The following ROR1 variants were observed in gnomAD, a reference collection of about 807,000 sequenced individuals.
ROR1 encodes inactive tyrosine-protein kinase transmembrane receptor ROR1.
A neutral mutation model predicts 78.8 loss-of-function variants in ROR1; 19 were observed. The ratio of observed to expected loss-of-function variants is 0.24; its 90% CI spans 0.17 to 0.35. The LOEUF is 0.35. ROR1 is among the 10% of genes least tolerant of loss of function. ROR1 has a pLI of 1.00. For missense variants in ROR1, 917 were observed against 1,177.8 expected (o/e 0.78, Z 3.24); for synonymous variants, 386 against 433.6 (o/e 0.89, Z 1.36).
chr1:64,165,705 T>TC (rs1251190974), intron 8 of ROR1, among the ~76,000 whole-genome samples: 1 of 145,704 alleles, frequency 6.9e-6, no homozygotes, highest in African/African-American at 2.5e-5. Flanking sequence ...GTTTTACTTT[T>TC]TTTTTTTTTT....
At chr1:64,084,652 G>A (rs1471043412) in intron 4 of ROR1, among the ~76,000 whole-genome samples, 1 of 152,196 alleles carries the variant, frequency 6.6e-6, no homozygotes, top group African/African-American at 2.4e-5. Flanking sequence ...ACTGAAACTG[G>A]AAAGGAATGA....
chr1:64,128,266 G>A (rs531686106), intron 4 of ROR1, among the ~76,000 whole-genome samples: 2 of 116,058 alleles, frequency 1.7e-5, no homozygotes, highest in East Asian at 5.2e-4. Flanking sequence ...ACCAGCCTGG[G>A]CAACATAGCA....
At chr1:63,964,727 T>A (rs1646059544) in intron 1 of ROR1, among the ~76,000 whole-genome samples, 1 of 152,218 alleles carries the variant, frequency 6.6e-6, no homozygotes, top group Non-Finnish European at 1.5e-5. Flanking sequence ...GGGGCAGTTT[T>A]GATGGCACAC....
chr1:64,045,731 A>G (rs1464271027), intron 2 of ROR1, among the ~76,000 whole-genome samples: 1 of 152,198 alleles, frequency 6.6e-6, no homozygotes, highest in Non-Finnish European at 1.5e-5. Context: ...GTTAGGTATT[A>G]CCACCATCAT....
At chr1:64,100,676 A>G (rs1647493004) in intron 4 of ROR1, among the ~76,000 whole-genome samples, 1 of 152,192 alleles carries the variant, frequency 6.6e-6, no homozygotes, top group Admixed American at 6.5e-5. Flanking sequence ...TCAAACCCCT[A>G]CTAGTGCCTG....
chr1:64,171,815 T>G (rs1000174404), intron 8 of ROR1, among the ~76,000 whole-genome samples: 23 of 152,194 alleles, frequency 1.5e-4, no homozygotes, highest in African/African-American at 5.5e-4. Context: ...GTAGAGCAAT[T>G]ATATGACATT....
rs76993996 is a variant in ROR1, at chr1:64,136,975, C to G, written c.483-394C>G. ...GTCAGTTGGAGTGGATCTGTTCGCCCACGCCTTTGTAGCAAATGAAGCAGA... is the reference window on the plus strand; with the variant it reads ...GTCAGTTGGAGTGGATCTGTTCGCCGACGCCTTTGTAGCAAATGAAGCAGA... On this transcript the variant is annotated intron_variant, in intron 4 of 8. Transcript: ENST00000371079. Among the ~76,000 whole-genome samples the G allele has an allele frequency of 2.1e-3, 324 of 152,218 alleles. 1 individual carries two copies. The highest frequency in any genetic ancestry group is 7.3e-3 in the African/African-American group (304 of 41,518).
At chr1:63,930,975 C>T (rs1645746616) in intron 1 of ROR1, among the ~76,000 whole-genome samples, 1 of 152,166 alleles carries the variant, frequency 6.6e-6, no homozygotes, top group Non-Finnish European at 1.5e-5. Context: ...TACTCAAGAG[C>T]TTTAAAGTAA....
At chr1:64,083,605 AAAAC>A (rs1647123595) in intron 4 of ROR1, among the ~76,000 whole-genome samples, 7 of 151,276 alleles carry the variant, frequency 4.6e-5, no homozygotes, top group African/African-American at 1.7e-4. Flanking sequence ...GAAAAAAAAA[AAAAC>A]AACCATTGTA....
chr1:64,074,051 G>A (rs1647029173), intron 4 of ROR1, among the ~76,000 whole-genome samples: 1 of 152,098 alleles, frequency 6.6e-6, no homozygotes, highest in African/African-American at 2.4e-5. Context: ...ATAAGGTCAG[G>A]GACATCTGCT....
Position 64,177,572 on chromosome 1 carries a change from T to A in ROR1, c.1531T>A (p.Tyr511Asn). 1 of 1,614,190 alleles carries A rather than the reference T, an allele frequency of 6.2e-7. No homozygotes were observed. The highest frequency in any genetic ancestry group is 8.5e-7 in the Non-Finnish European group (1 of 1,180,032). The change falls in exon 9 of 9, where the codon TAT becomes AAT. Residue 511 changes from tyrosine to asparagine, a missense_variant. Physicochemically the swap from Tyr to Asn is moderately radical, Grantham distance 143. Transcript: ENST00000371079. ...GGTTGCTATCAAGACCTTGAAAGAC[T>A]ATAACAACCCCCAGCAATGGACGGA... ...QLVAIKTLKD[Y>N]NNPQQWTEFQ...
intron 1 of ROR1, among the ~76,000 whole-genome samples, chr1:63,898,684 A>G (rs1645460536): frequency 6.6e-6 from 1 of 151,884 alleles, no homozygotes; most frequent in Non-Finnish European, 1.5e-5. Flanking sequence ...AGAACAGGGA[A>G]TGAAGTGAGA....
intron 5 of ROR1, among the ~76,000 whole-genome samples, chr1:64,139,278 T>C (rs528214824): frequency 7.1e-4 from 107 of 151,360 alleles, no homozygotes; most frequent in African/African-American, 2.5e-3. Flanking sequence ...TGGTGGAAAG[T>C]TTTTTTTTAA....
At chr1:64,134,712 G>A (rs368880237) in intron 4 of ROR1, among the ~76,000 whole-genome samples, 1 of 149,722 alleles carries the variant, frequency 6.7e-6, no homozygotes, top group Non-Finnish European at 1.5e-5. Context: ...CTGGGCATTC[G>A]TATTTCCTAA....
At chr1:64,173,339 T>C (rs759527687) in intron 8 of ROR1, among the ~76,000 whole-genome samples, 3 of 152,194 alleles carry the variant, frequency 2.0e-5, no homozygotes, top group Non-Finnish European at 4.4e-5. Context: ...ATTGGTGAGA[T>C]AGGACAAGAT....
rs996896958 is a variant in ROR1, at chr1:64,165,196, C to G, written c.1386+6004C>G. 5.9e-5 allele frequency among the ~76,000 whole-genome samples: 9 copies of G among 152,208 alleles called. No homozygotes were observed. The East Asian group carries it at 1.7e-3, about 29-fold the overall frequency. On this transcript the variant is annotated intron_variant, in intron 8 of 8. Coordinates refer to ENST00000371079, the MANE Select transcript of ROR1 (RefSeq NM_005012.4). ...TTTCCACAATGGCTGAACTAATTTA[C>G]ACTCCCATCAACAGTGTATAAGCGT...
intron 8 of ROR1, among the ~76,000 whole-genome samples, chr1:64,169,107 A>C (rs1476570923): frequency 6.6e-6 from 1 of 152,238 alleles, no homozygotes; most frequent in African/African-American, 2.4e-5. Context: ...CATAGGGAAT[A>C]CCAATCTCAG....
intron 4 of ROR1, among the ~76,000 whole-genome samples, chr1:64,061,766 C>G (rs1301793199): frequency 6.6e-6 from 1 of 152,174 alleles, no homozygotes; most frequent in Admixed American, 6.5e-5. Context: ...TCTTTATTTG[C>G]AAAGTGAAGC....
chr1:64,001,033 G>A (rs1414095008), intron 1 of ROR1, among the ~76,000 whole-genome samples: 1 of 152,152 alleles, frequency 6.6e-6, no homozygotes, highest in Non-Finnish European at 1.5e-5. Context: ...TAGCACAGAA[G>A]TCTATGCATG....
Sources: gnomAD v4.1 joint callset for allele counts (sites outside exome capture counted in the v4.1 genomes callset) on GRCh38, gnomAD v4.1.1 for gene constraint, MANE v1.5 for transcripts, NCBI Gene and HGNC (gene_info 2026-07-23, HGNC 2026-07-21) for gene names.